VSTM2L: variants seen among roughly 807,000 people sequenced by gnomAD.
The protein encoded by VSTM2L is V-set and transmembrane domain containing 2 like.
Under a neutral mutation model 19.9 loss-of-function variants are expected in VSTM2L, and 9 were observed. That is an observed-to-expected ratio of 0.45 (90% CI 0.27 to 0.79). VSTM2L has a LOEUF of 0.79. Among genes scored for constraint, VSTM2L ranks in the 30% least tolerant of loss-of-function variants. The pLI is 0.15. For synonymous variants in VSTM2L, 127 were observed against 133.8 expected (o/e 0.95, Z 0.35); for missense variants, 286 against 295.5 (o/e 0.97, Z 0.24).
At chr20:37,920,135 A>G (rs1423801489) in intron 1 of VSTM2L, among the ~76,000 whole-genome samples, 2 of 152,232 alleles carry the variant, frequency 1.3e-5, no homozygotes, top group African/African-American at 4.8e-5. Context: ...CATCACTGCA[A>G]CAACGGAGCC....
At chr20:37,939,306 C>T (rs892275541) in intron 3 of VSTM2L, among the ~76,000 whole-genome samples, 1 of 151,348 alleles carries the variant, frequency 6.6e-6, no homozygotes, top group Non-Finnish European at 1.5e-5. Context: ...CTCAGGAGGT[C>T]GGAGGGGGTG....
At chr20:37,937,187 C>G (rs1465636891) in intron 3 of VSTM2L, among the ~76,000 whole-genome samples, 1 of 152,068 alleles carries the variant, frequency 6.6e-6, no homozygotes. Flanking sequence ...CACCACTGCT[C>G]TCATAAGGAG....
intron 1 of VSTM2L, among the ~76,000 whole-genome samples, chr20:37,928,233 A>C (rs2072889234): frequency 6.6e-6 from 1 of 152,164 alleles, no homozygotes; most frequent in Non-Finnish European, 1.5e-5. Context: ...GAATCAAGGC[A>C]GAATCCGCCA....
intron 3 of VSTM2L, among the ~76,000 whole-genome samples, chr20:37,939,406 G>A (rs1600575608): frequency 6.6e-6 from 1 of 151,968 alleles, no homozygotes; most frequent in South Asian, 2.1e-4. Flanking sequence ...GTGACAGAAC[G>A]AGACCCTGTC....
At chr20:37,928,284 C>T (rs1192582480) in intron 1 of VSTM2L, among the ~76,000 whole-genome samples, 2 of 152,188 alleles carry the variant, frequency 1.3e-5, no homozygotes, top group Non-Finnish European at 2.9e-5. Context: ...ATCACCTCTT[C>T]GGCTCTTCCC....
intron 1 of VSTM2L, 89 bp downstream of exon 1, chr20:37,903,560 C>T (rs1222847419): frequency 3.0e-6 from 4 of 1,316,714 alleles, no homozygotes; most frequent in Non-Finnish European, 3.9e-6. Flanking sequence ...GGGCTCGAAC[C>T]GGCGCCAGTC....
rs59383137 is a variant in VSTM2L at position 37,908,677 on chromosome 20, C to T, written c.121+5206C>T. Among the ~76,000 whole-genome samples, 1,324 of 152,232 alleles carry T rather than the reference C, an allele frequency of 8.7e-3. 27 individuals are homozygous for T. The highest frequency in any genetic ancestry group is 0.029 in the African/African-American group (1,187 of 41,532). ...AAAAATAGCCAGGCATGGGTACGCA[C>T]CTGTAGTCCCAGCTACTCAGTAGGC... On this transcript the variant is annotated intron_variant, in intron 1 of 3. Transcript: ENST00000373461.
intron 1 of VSTM2L, among the ~76,000 whole-genome samples, chr20:37,904,622 G>A (rs1315109932): frequency 6.6e-6 from 1 of 152,258 alleles, no homozygotes; most frequent in African/African-American, 2.4e-5. Context: ...TGACAGCCTT[G>A]TTGGGGAGGC....
intron 1 of VSTM2L, among the ~76,000 whole-genome samples, chr20:37,923,182 G>A (rs1179710895): frequency 1.3e-5 from 2 of 152,140 alleles, no homozygotes; most frequent in African/African-American, 4.8e-5. Context: ...AGGGAGTAGG[G>A]GAAATAGAGT....
chr20:37,921,249 C>T (rs571854031), intron 1 of VSTM2L, among the ~76,000 whole-genome samples: 1 of 152,312 alleles, frequency 6.6e-6, no homozygotes, highest in Admixed American at 6.5e-5. Context: ...GGACAGTGTG[C>T]AGGCTGTGTC....
chr20:37,924,611 G>A (rs1028786465), intron 1 of VSTM2L, among the ~76,000 whole-genome samples: 22 of 151,148 alleles, frequency 1.5e-4, no homozygotes, highest in Non-Finnish European at 3.2e-4. Context: ...CAAAGAGCTA[G>A]GCACGGTGCC....
intron 1 of VSTM2L, among the ~76,000 whole-genome samples, chr20:37,913,553 G>C (rs932268819): frequency 6.6e-6 from 1 of 152,228 alleles, no homozygotes; most frequent in African/African-American, 2.4e-5. Context: ...GATAATGGGG[G>C]ACTCTTCAGG....
chr20:37,912,108 A>T (rs1023298980), intron 1 of VSTM2L, among the ~76,000 whole-genome samples: 2 of 152,176 alleles, frequency 1.3e-5, no homozygotes, highest in Non-Finnish European at 2.9e-5. Context: ...CCCATTTTAC[A>T]GAGGAGGACA....
In VSTM2L at chr20:37,903,431, C is replaced by T; in HGVS notation, c.81C>T (p.Pro27=). 2.0e-6 allele frequency: 3 copies of T among 1,487,478 alleles called. No individual in the cohort carries two copies. 92.1% of individuals were successfully genotyped at this position (1,487,478 alleles called of 1,614,324 possible). The change falls in exon 1 of 4, where the codon CCC becomes CCT. Residue 27 remains proline, a synonymous_variant. Transcript: ENST00000373461. ...LFLQLGGATR[P]AGHAPWDNHV... is the part of the protein sequence containing the mutation. ...TGCAACTCGGCGGCGCCACGCGGCCCGCCGGCCACGCGCCCTGGGACAACC... is the reference window on the plus strand; with the variant it reads ...TGCAACTCGGCGGCGCCACGCGGCCTGCCGGCCACGCGCCCTGGGACAACC...
Position 37,944,548 on chromosome 20 carries a change from T to C in VSTM2L, c.*295T>C. ...CATGCTGGGGCCCGGGGCCACCCCC[T>C]TCCTGTCACCAGCTTCTGTGGAGTC... On this transcript the variant is annotated 3_prime_UTR_variant, in exon 4 of 4. Transcript: ENST00000373461. 8.5e-7 allele frequency: 1 copy of C among 1,175,262 alleles called. No individual in the cohort carries two copies. The highest frequency in any genetic ancestry group is 1.1e-6 in the Non-Finnish European group (1 of 952,220). 72.8% of individuals were successfully genotyped at this position (1,175,262 alleles called of 1,614,324 possible).
intron 3 of VSTM2L, among the ~76,000 whole-genome samples, chr20:37,933,845 G>T (rs73905504): frequency 0.01 from 1,593 of 152,318 alleles, 26 homozygotes; most frequent in African/African-American, 0.037. Flanking sequence ...TGTGCATCCT[G>T]GTGCCTTCGT....
At chr20:37,933,426 A>T (rs2072921869) in intron 2 of VSTM2L, 113 bp from the exon 3 acceptor site, 2 of 863,728 alleles carry the variant, frequency 2.3e-6, no homozygotes, top group Admixed American at 2.4e-5. Flanking sequence ...CTGTCGTGAG[A>T]ATCTTAGCGG....
chr20:37,921,696 G>A (rs1394870816), intron 1 of VSTM2L, among the ~76,000 whole-genome samples: 2 of 152,108 alleles, frequency 1.3e-5, no homozygotes, highest in African/African-American at 4.8e-5. Flanking sequence ...GGAACTGAGA[G>A]AGGGTGGGGG....
chr20:37,903,550 G>A, intron 1 of VSTM2L, 79 bp downstream of exon 1: 1 of 1,328,234 alleles, frequency 7.5e-7, no homozygotes, highest in Non-Finnish European at 9.6e-7. Flanking sequence ...GGCCGCCCCG[G>A]GGCTCGAACC....
Sources: gnomAD v4.1 joint callset for allele counts (sites outside exome capture counted in the v4.1 genomes callset) on GRCh38, gnomAD v4.1.1 for gene constraint, MANE v1.5 for transcripts, NCBI Gene and HGNC (gene_info 2026-07-23, HGNC 2026-07-21) for gene names.